HMCN1: variants seen among roughly 807,000 people sequenced by gnomAD.
HMCN1 encodes hemicentin 1, also known as hemicentin-1.
HMCN1 carries 321 observed loss-of-function variants against 625.9 expected under a neutral mutation model. The observed-to-expected ratio is 0.51, with a 90% confidence interval of 0.47 to 0.56. HMCN1 has a LOEUF of 0.56. Ranked by LOEUF, HMCN1 falls within the 20% of genes least tolerant of loss-of-function variation. The pLI is 0.00. For missense variants in HMCN1, 6,588 were observed against 6,887.3 expected (o/e 0.96, Z 1.54); for synonymous variants, 2,425 against 2,417.6 (o/e 1.00, Z -0.09).
intron 1 of HMCN1, among the ~76,000 whole-genome samples, chr1:185,823,301 C>A (rs1366463168): frequency 6.6e-6 from 1 of 152,008 alleles, no homozygotes; most frequent in Non-Finnish European, 1.5e-5. Context: ...TCATAATCAC[C>A]AGCAAAATTT....
At chr1:185,783,720 G>C (rs1188299212) in intron 1 of HMCN1, among the ~76,000 whole-genome samples, 1 of 152,172 alleles carries the variant, frequency 6.6e-6, no homozygotes, top group Non-Finnish European at 1.5e-5. Context: ...CGTCTCAGAG[G>C]GGTACCCGGC....
chr1:186,091,680 G>T (rs1201020506), intron 64 of HMCN1, among the ~76,000 whole-genome samples: 1 of 151,920 alleles, frequency 6.6e-6, no homozygotes, highest in Non-Finnish European at 1.5e-5. Context: ...ATTTGATATT[G>T]TACTAGATTA....
At chr1:186,101,282 G>T (rs917973146) in intron 68 of HMCN1, among the ~76,000 whole-genome samples, 5 of 152,038 alleles carry the variant, frequency 3.3e-5, no homozygotes, top group Non-Finnish European at 7.4e-5. Context: ...TTGTAGACTG[G>T]GACACAAGGG....
intron 26 of HMCN1, among the ~76,000 whole-genome samples, chr1:186,000,812 T>C (rs867745154): frequency 3.3e-5 from 5 of 152,032 alleles, no homozygotes; most frequent in Non-Finnish European, 4.4e-5. Context: ...CCTTCCTCTG[T>C]TAATGATGAG....
chr1:186,058,298 G>A (rs920811462), intron 46 of HMCN1, among the ~76,000 whole-genome samples: 7 of 151,972 alleles, frequency 4.6e-5, no homozygotes, highest in African/African-American at 1.2e-4. Context: ...TTCTCAGTAT[G>A]CATTAATACA....
chr1:185,753,951 A>G (rs937140072), intron 1 of HMCN1, among the ~76,000 whole-genome samples: 1 of 152,222 alleles, frequency 6.6e-6, no homozygotes, highest in East Asian at 1.9e-4. Context: ...ATCAGTATGT[A>G]GAAGAGATAT....
Position 186,055,522 on chromosome 1 carries a change from A to C in HMCN1, c.6992A>C (p.His2331Pro). 2.5e-6 allele frequency: 4 copies of C among 1,612,834 alleles called. No homozygotes were observed. The highest frequency in any genetic ancestry group is 3.4e-6 in the Non-Finnish European group (4 of 1,179,274). ...ACAGTGACCTGGATGAAAGATGGCCACCCCTTGATCAAGGCAAAGGGAGTA... is the reference window on the plus strand; with the variant it reads ...ACAGTGACCTGGATGAAAGATGGCCCCCCCTTGATCAAGGCAAAGGGAGTA... The part of the protein sequence containing the change: ...PPTVTWMKDG[H>P]PLIKAKGVEI... Residue 2331 changes from histidine to proline, a missense_variant, in exon 45 of 107, where the codon CAC becomes CCC. By Grantham distance (77) the His-to-Pro change is moderately conservative. Around this residue, in one of 3 missense-constraint regions of HMCN1, gnomAD observed 4,628 missense variants for 4,853.1 expected, o/e 0.95. Coordinates refer to ENST00000271588, the MANE Select transcript of HMCN1 (RefSeq NM_031935.3).
chr1:186,151,531 GAAT>G (rs1344001473), intron 94 of HMCN1, 72 bp from the exon 95 acceptor site: 2 of 1,441,794 alleles, frequency 1.4e-6, no homozygotes, highest in African/African-American at 2.8e-5. Flanking sequence ...TCATCCTTGT[GAAT>G]AATATGCTAT....
intron 93 of HMCN1, among the ~76,000 whole-genome samples, chr1:186,150,198 C>T (rs1454057076): frequency 6.6e-6 from 1 of 152,114 alleles, no homozygotes; most frequent in Non-Finnish European, 1.5e-5. Context: ...TATGCTTGTA[C>T]ATAACAGTAT....
chr1:185,922,698 T>C (rs1304358192), intron 7 of HMCN1, among the ~76,000 whole-genome samples, 199 bp downstream of exon 7: 3 of 152,162 alleles, frequency 2.0e-5, no homozygotes, highest in Non-Finnish European at 4.4e-5. Context: ...CTCAGGATGC[T>C]TGTTAAAAAT....
At chr1:186,128,029 C>G in intron 82 of HMCN1, 49 bp from the exon 83 acceptor site, 1 of 1,502,946 alleles carries the variant, frequency 6.7e-7, no homozygotes, top group Non-Finnish European at 9.2e-7. Context: ...ATTTTATGTA[C>G]TATGATGGAT....
intron 26 of HMCN1, 25 bp from the exon 27 acceptor site, chr1:186,001,273 A>G (rs774724631): frequency 1.3e-6 from 2 of 1,596,370 alleles, no homozygotes; most frequent in Non-Finnish European, 1.7e-6. Context: ...GAAACTAGCT[A>G]GCTATGACTC....
intron 1 of HMCN1, among the ~76,000 whole-genome samples, chr1:185,810,761 A>C (rs1275942344): frequency 6.6e-6 from 1 of 152,084 alleles, no homozygotes; most frequent in Non-Finnish European, 1.5e-5. Context: ...AAGTGCCTGG[A>C]AAATAAAAGT....
At chr1:185,844,692 G>T (rs1661702548) in intron 1 of HMCN1, among the ~76,000 whole-genome samples, 1 of 152,104 alleles carries the variant, frequency 6.6e-6, no homozygotes, top group South Asian at 2.1e-4. Context: ...TCCACCATGA[G>T]AATTTAAGAT....
intron 36 of HMCN1, among the ~76,000 whole-genome samples, chr1:186,026,919 G>T (rs566952046): frequency 6.6e-6 from 1 of 152,064 alleles, no homozygotes; most frequent in African/African-American, 2.4e-5. Flanking sequence ...ACAGGTGTGA[G>T]CCACCATGCC....
chr1:185,923,530 A>T lies in HMCN1; in HGVS notation c.1162A>T (p.Ile388Leu). The T allele has an allele frequency of 6.2e-7, 1 of 1,612,548 alleles. No homozygotes were observed. The highest frequency in any genetic ancestry group is 8.5e-7 in the Non-Finnish European group (1 of 1,179,040). ...KYYPHRKPYG[I>L]WNISDFVPPN... ...TTACCCACATCGAAAACCTTATGGC[A>T]TATGGAATATTTCTGACTTTGTACC... The change falls in exon 8 of 107, where the codon ATA (isoleucine) becomes TTA (leucine). Residue 388 changes from isoleucine to leucine, a missense_variant. Around this residue, in one of 3 missense-constraint regions of HMCN1, gnomAD observed 4,628 missense variants for 4,853.1 expected, o/e 0.95. Coordinates refer to ENST00000271588, the MANE Select transcript of HMCN1 (RefSeq NM_031935.3).
At chr1:185,855,065 C>G (rs1269267740) in intron 2 of HMCN1, among the ~76,000 whole-genome samples, 1 of 152,148 alleles carries the variant, frequency 6.6e-6, no homozygotes, top group Non-Finnish European at 1.5e-5. Flanking sequence ...AGAGGAAGAA[C>G]TGGGAGCAAG....
rs150237405 is a variant in HMCN1, at chr1:186,132,392, T to C, written c.13295T>C (p.Met4432Thr). ...TNEAGVVERSMSLTLQSPPII... is the reference protein window; with the variant it reads ...TNEAGVVERSTSLTLQSPPII... ...GAAGCTGGGGTGGTGGAGCGCAGCA[T>C]GAGTCTGACTCTGCAAAGTAAGCTG... Residue 4432 changes from methionine to threonine, a missense_variant, in exon 86 of 107, where the codon ATG becomes ACG. Physicochemically the swap from Met to Thr is moderately conservative, Grantham distance 81. This residue lies in a region of HMCN1 where 1,954 missense variants were observed against 2,013.1 expected (regional missense o/e 0.97). Transcript: ENST00000271588. 2 of 1,611,786 alleles carry C rather than the reference T, an allele frequency of 1.2e-6. No individual in the cohort carries two copies. The highest frequency in any genetic ancestry group is 2.7e-5 in the African/African-American group (2 of 74,874).
At chr1:186,051,636 GACAA>G (rs372973789) in intron 42 of HMCN1, among the ~76,000 whole-genome samples, 157 of 152,140 alleles carry the variant, frequency 1.0e-3, no homozygotes, top group African/African-American at 3.5e-3. Flanking sequence ...TGGTATCAGT[GACAA>G]ACAGAGTAAA....
Sources: gnomAD v4.1 joint callset for allele counts (sites outside exome capture counted in the v4.1 genomes callset) on GRCh38, gnomAD v4.1.1 for gene constraint, gnomAD v4.1.1 regional missense constraint, MANE v1.5 for transcripts, NCBI Gene and HGNC (gene_info 2026-07-23, HGNC 2026-07-21) for gene names.